The following ATXN1 variants were observed in gnomAD, a reference collection of about 807,000 sequenced individuals.
ATXN1 encodes ataxin-1.
Under a neutral mutation model 56.4 loss-of-function variants are expected in ATXN1, and 8 were observed. The ratio of observed to expected loss-of-function variants is 0.14; its 90% CI spans 0.08 to 0.26. The LOEUF (loss-of-function observed/expected upper bound fraction) is 0.26, where lower values mean the gene tolerates loss of function less well. Among genes scored for constraint, ATXN1 ranks in the 10% least tolerant of loss-of-function variants. The pLI is 1.00. For missense variants in ATXN1, 987 were observed against 1,106.5 expected, an observed-to-expected ratio of 0.89 and a Z score of 1.53; for synonymous variants, 514 against 494.6, an observed-to-expected ratio of 1.04 and a Z score of -0.52.
chr6:16,494,425 C>A (rs543915089), intron 5 of ATXN1, among the ~76,000 whole-genome samples: 1 of 152,020 alleles, frequency 6.6e-6, no homozygotes, highest in African/African-American at 2.4e-5. Flanking sequence ...AAATTAGTAC[C>A]GGCCTAAAGA....
At chr6:16,573,524 A>T (rs1478522451) in intron 4 of ATXN1, among the ~76,000 whole-genome samples, 4 of 151,900 alleles carry the variant, frequency 2.6e-5, no homozygotes, top group Non-Finnish European at 5.9e-5. Context: ...CACCCTACAT[A>T]CATTGTCACC....
At chr6:16,525,399 G>C (rs116147639) in intron 4 of ATXN1, among the ~76,000 whole-genome samples, 113 of 152,276 alleles carry the variant, frequency 7.4e-4, no homozygotes, top group African/African-American at 2.7e-3. Flanking sequence ...AGATCATTAT[G>C]TTAAGTGAAA....
intron 7 of ATXN1, among the ~76,000 whole-genome samples, chr6:16,312,495 T>G (rs1760415409): frequency 6.6e-6 from 1 of 151,996 alleles, no homozygotes; most frequent in African/African-American, 2.4e-5. Flanking sequence ...TCATGTACTT[T>G]TAGAAACTAA....
intron 7 of ATXN1, among the ~76,000 whole-genome samples, chr6:16,308,080 G>A (rs1760297472): frequency 1.3e-5 from 2 of 151,944 alleles, no homozygotes; most frequent in Admixed American, 1.3e-4. Context: ...TTTGAGTCCG[G>A]GGGACGAAGG....
intron 4 of ATXN1, among the ~76,000 whole-genome samples, chr6:16,568,097 C>A (rs1762261742): frequency 6.6e-6 from 1 of 152,178 alleles, no homozygotes; most frequent in Admixed American, 6.5e-5. Context: ...AGGATTATTT[C>A]TGCGCCCCCT....
intron 6 of ATXN1, among the ~76,000 whole-genome samples, chr6:16,430,117 C>T (rs540530546): frequency 3.6e-4 from 55 of 152,098 alleles, no homozygotes; most frequent in African/African-American, 1.3e-3. Context: ...TGATACATTG[C>T]TTGGACCCCA....
chr6:16,556,151 G>A (rs1762008436), intron 4 of ATXN1, among the ~76,000 whole-genome samples: 1 of 152,040 alleles, frequency 6.6e-6, no homozygotes, highest in Admixed American at 6.6e-5. Context: ...AGCCTTTTCG[G>A]AGACTCTTTA....
At chr6:16,619,580 A>G (rs114156434) in intron 3 of ATXN1, among the ~76,000 whole-genome samples, 383 of 152,334 alleles carry the variant, frequency 2.5e-3, no homozygotes, top group African/African-American at 8.7e-3. Flanking sequence ...TAAAAAATCT[A>G]TATGACTAGA....
chr6:16,556,938 A>T (rs773162436), intron 4 of ATXN1, among the ~76,000 whole-genome samples: 1 of 152,210 alleles, frequency 6.6e-6, no homozygotes, highest in Non-Finnish European at 1.5e-5. Context: ...AACCTTTCTA[A>T]AGGACAACCA....
At chr6:16,717,653 G>A (rs561680234) in intron 2 of ATXN1, among the ~76,000 whole-genome samples, 15 of 152,264 alleles carry the variant, frequency 9.9e-5, no homozygotes, top group African/African-American at 3.4e-4. Context: ...TTTCCACTGC[G>A]GATTAACATT....
intron 2 of ATXN1, among the ~76,000 whole-genome samples, chr6:16,689,546 A>G: frequency 9.3e-6 from 1 of 107,186 alleles, no homozygotes; most frequent in African/African-American, 3.8e-5. Flanking sequence ...GTAGAGATGG[A>G]GTCTCCCTAT....
At chr6:16,351,165 A>C (rs890886149) in intron 6 of ATXN1, among the ~76,000 whole-genome samples, 2 of 152,142 alleles carry the variant, frequency 1.3e-5, no homozygotes, top group East Asian at 1.9e-4. Context: ...GCATTCAACA[A>C]ATGTGAGGTA....
intron 5 of ATXN1, among the ~76,000 whole-genome samples, chr6:16,513,616 G>A (rs1250008571): frequency 6.6e-6 from 1 of 152,174 alleles, no homozygotes; most frequent in African/African-American, 2.4e-5. Flanking sequence ...TTATGGGGAT[G>A]TAAAAGGGAC....
chr6:16,718,996 TGGGGACTCTGTCTTTATTTCCC>T (rs1267303796), intron 2 of ATXN1, among the ~76,000 whole-genome samples: 5 of 152,330 alleles, frequency 3.3e-5, no homozygotes, highest in South Asian at 2.1e-4. Flanking sequence ...CTAGACTTCC[TGGGGACTCTGTCTTTATTTCCC>T]GGGGACTCTG....
Position 16,326,687 on chromosome 6 carries a change from C to T in ATXN1, c.1624G>A (p.Ala542Thr), listed in dbSNP as rs761352217. 1.2e-6 allele frequency: 2 copies of T among 1,613,116 alleles called. No individual in the cohort carries two copies. The highest frequency in any genetic ancestry group is 1.7e-6 in the Non-Finnish European group (2 of 1,180,006). The change falls in exon 7 of 8, where the codon GCC (alanine) becomes ACC (threonine). Residue 542 changes from alanine (A) to threonine (T), a missense_variant. Transcript: ENST00000436367. This position sits in a 1 kb window ranked among gnomAD's most constrained non-coding sequence, Gnocchi z 6.6. ...GCCTGCACCATGGCTGGGTAGGCGG[C>T]CTGGGTGACCAGGGCCTCAGGGTTG... is the stretch of plus-strand genomic sequence containing the variant. ...NFNPEALVTQAAYPAMVQAQI... is the reference protein window; with the variant it reads ...NFNPEALVTQTAYPAMVQAQI...
At chr6:16,642,433 C>A (rs1285301581) in intron 3 of ATXN1, among the ~76,000 whole-genome samples, 2 of 152,152 alleles carry the variant, frequency 1.3e-5, no homozygotes, top group African/African-American at 4.8e-5. Flanking sequence ...CCAGTGGTTT[C>A]ATGAGATGTA....
chr6:16,355,989 C>A (rs1009044827), intron 6 of ATXN1, among the ~76,000 whole-genome samples: 1 of 152,216 alleles, frequency 6.6e-6, no homozygotes, highest in Non-Finnish European at 1.5e-5. Context: ...CTGGGCATGC[C>A]ATTGGTTGGG....
intron 6 of ATXN1, among the ~76,000 whole-genome samples, chr6:16,405,238 G>C (rs1440039035): frequency 6.6e-6 from 1 of 152,198 alleles, no homozygotes; most frequent in African/African-American, 2.4e-5. Context: ...TTTGATTAAA[G>C]ACACAGTCTC....
chr6:16,345,488 G>A (rs1187576680), intron 6 of ATXN1, among the ~76,000 whole-genome samples: 1 of 152,192 alleles, frequency 6.6e-6, no homozygotes, highest in East Asian at 1.9e-4. Flanking sequence ...TCGTAGGAAG[G>A]ACAAGGAGAT....
Sources: gnomAD v4.1 joint callset for allele counts (sites outside exome capture counted in the v4.1 genomes callset) on GRCh38, gnomAD v4.1.1 for gene constraint, Gnocchi (gnomAD v3.1) non-coding constraint, MANE v1.5 for transcripts, NCBI Gene and HGNC (gene_info 2026-07-23, HGNC 2026-07-21) for gene names.